NIPAL3: variants seen among roughly 807,000 people sequenced by gnomAD.
NIPAL3 encodes NIPA like domain containing 3.
In NIPAL3, 41 loss-of-function variants were observed where a neutral mutation model predicts 47.2. The observed-to-expected ratio is 0.87, with a 90% confidence interval of 0.68 to 1.13. NIPAL3 has a LOEUF of 1.13. Ranked by LOEUF, NIPAL3 falls within the 50% of genes most tolerant of loss-of-function variation. The pLI, the probability that NIPAL3 is intolerant of heterozygous loss-of-function variation, is 0.00. For synonymous variants in NIPAL3, 194 were observed against 209.6 expected (o/e 0.93, Z 0.64); for missense variants, 449 against 530.1 (o/e 0.85, Z 1.50).
In NIPAL3 at chr1:24,419,426, G is replaced by A; in HGVS notation, c.-122G>A. 1.5e-6 allele frequency: 2 copies of A among 1,377,902 alleles called. No homozygotes were observed. Among genetic ancestry groups the A allele is most frequent in the Non-Finnish European group, 1.9e-6 (2 of 1,063,206 alleles). 85.4% of individuals were successfully genotyped at this position (1,377,902 alleles called of 1,614,324 possible). On this transcript the variant is annotated 5_prime_UTR_variant, in exon 2 of 12. Coordinates refer to ENST00000374399, the MANE Select transcript of NIPAL3 (RefSeq NM_020448.5). ...GCCTTGAAGTATTCTTTTGTCATGA[G>A]GAAGTGACGGCTGCTGGAGGGAGGT...
chr1:24,442,142 C>T lies in NIPAL3; in HGVS notation c.250C>T (p.Leu84Phe), dbSNP rs774693229. 2 of 1,614,212 alleles carry T rather than the reference C, an allele frequency of 1.2e-6. No homozygotes were observed. Among genetic ancestry groups the T allele is most frequent in the South Asian group, 2.2e-5 (2 of 91,088 alleles). The change falls in exon 4 of 12, where the codon CTT (leucine) becomes TTT (phenylalanine). Residue 84 changes from leucine to phenylalanine, a missense_variant. Physicochemically the swap from Leu to Phe is conservative, Grantham distance 22 (BLOSUM62 0). Transcript: ENST00000374399. Reference protein sequence around the residue: ...KTWWLGLFLMLLGELGVFASY... With the variant: ...KTWWLGLFLMFLGELGVFASY... ...ATGGTGGCTGGGCCTGTTCCTGATG[C>T]TTCTGGGCGAGCTGGGTGTGTTCGC...
At chr1:24,443,235 A>G (rs1008652138) in intron 4 of NIPAL3, among the ~76,000 whole-genome samples, 1 of 152,258 alleles carries the variant, frequency 6.6e-6, no homozygotes, top group African/African-American at 2.4e-5. Context: ...ATTAGAAAAA[A>G]AAAATTCTTC....
chr1:24,461,830 T>C (rs1193435412), intron 10 of NIPAL3, among the ~76,000 whole-genome samples: 2 of 151,874 alleles, frequency 1.3e-5, no homozygotes, highest in Non-Finnish European at 2.9e-5. Context: ...GATCATGCCA[T>C]TGCATGCCTG....
chr1:24,447,900 C>T (rs1430744461), intron 5 of NIPAL3, among the ~76,000 whole-genome samples: 1 of 152,238 alleles, frequency 6.6e-6, no homozygotes, highest in Non-Finnish European at 1.5e-5. Flanking sequence ...GAGCAACCTG[C>T]ACAGCTGAAT....
intron 2 of NIPAL3, among the ~76,000 whole-genome samples, chr1:24,429,871 A>G (rs1250822250): frequency 1.3e-5 from 2 of 152,196 alleles, no homozygotes; most frequent in Non-Finnish European, 2.9e-5. Context: ...ATACTTCTCT[A>G]TAAGAAAAGA....
rs1405392085 is a variant in NIPAL3 at position 24,428,300 on chromosome 1, GAGAC to G, written c.93+8662_93+8665del. Among the ~76,000 whole-genome samples, 259 of 139,654 alleles carry G rather than the reference GAGAC, an allele frequency of 1.9e-3. 1 individual carries two copies. Among genetic ancestry groups the G allele is most frequent in the Middle Eastern group, 7.5e-3 (2 of 266 alleles). 91.6% of individuals were successfully genotyped at this position (139,654 alleles called of 152,430 possible). On this transcript the variant is annotated intron_variant, in intron 2 of 11. Transcript: ENST00000374399. Reference sequence around the variant, plus strand: ...AGAGAGAGAGAGAGAGAGAGAGAGAGAGACACCAGAACCTTTCCCCAAAGCCAGC... The same window carrying G: ...AGAGAGAGAGAGAGAGAGAGAGAGAGACCAGAACCTTTCCCCAAAGCCAGC...
At chr1:24,456,350 G>A in intron 8 of NIPAL3, 77 bp downstream of exon 8, 7 of 1,590,932 alleles carry the variant, frequency 4.4e-6, no homozygotes, top group Admixed American at 1.7e-5. Flanking sequence ...GACGTATGCT[G>A]TGAAGCCACA....
intron 3 of NIPAL3, among the ~76,000 whole-genome samples, chr1:24,441,047 T>A (rs1360212205): frequency 1.3e-5 from 2 of 152,186 alleles, no homozygotes; most frequent in Non-Finnish European, 2.9e-5. Flanking sequence ...TGCTCCCACA[T>A]TCTTGTCTCA....
intron 2 of NIPAL3, among the ~76,000 whole-genome samples, chr1:24,420,410 G>C (rs1236997840): frequency 1.3e-5 from 2 of 152,152 alleles, no homozygotes; most frequent in African/African-American, 4.8e-5. Flanking sequence ...GCTGAGACGG[G>C]AGGATTGCTT....
intron 7 of NIPAL3, among the ~76,000 whole-genome samples, chr1:24,455,922 G>A (rs1302446584): frequency 6.6e-6 from 1 of 152,156 alleles, no homozygotes; most frequent in Non-Finnish European, 1.5e-5. Context: ...CCCTCCTTTA[G>A]GATGTAGTCA....
At chr1:24,462,563 T>C (rs1219488081) in intron 10 of NIPAL3, among the ~76,000 whole-genome samples, 2 of 151,912 alleles carry the variant, frequency 1.3e-5, no homozygotes, top group East Asian at 1.9e-4. Flanking sequence ...GGTCAGGAGT[T>C]CGAGACCAGC....
chr1:24,470,246 T>A lies in NIPAL3; in HGVS notation c.*1061T>A, dbSNP rs1410751477. On this transcript the variant is annotated 3_prime_UTR_variant, in exon 12 of 12. Coordinates refer to ENST00000374399, the MANE Select transcript of NIPAL3 (RefSeq NM_020448.5). ...CAAAACAGGGCTGTTGCTTTCTTCCTGGCCGCATATGTGACTGTCTTCCCC... is the reference window on the plus strand; with the variant it reads ...CAAAACAGGGCTGTTGCTTTCTTCCAGGCCGCATATGTGACTGTCTTCCCC... 6.6e-6 allele frequency: 1 copy of A among 152,250 alleles called. No homozygotes were observed. Among genetic ancestry groups the A allele is most frequent in the African/African-American group, 2.4e-5 (1 of 41,448 alleles). 9.4% of individuals were successfully genotyped at this position (152,250 alleles called of 1,614,324 possible).
intron 2 of NIPAL3, among the ~76,000 whole-genome samples, chr1:24,434,942 T>C (rs1645032052): frequency 6.6e-6 from 1 of 152,140 alleles, no homozygotes; most frequent in Non-Finnish European, 1.5e-5. Flanking sequence ...GGACCCAAAA[T>C]AGCCAAAACA....
intron 11 of NIPAL3, among the ~76,000 whole-genome samples, chr1:24,467,343 G>T (rs1299594872): frequency 6.6e-6 from 1 of 151,962 alleles, no homozygotes; most frequent in East Asian, 1.9e-4. Context: ...GGTGGCGGGT[G>T]CCTGTAGTCC....
chr1:24,459,553 T>A (rs1646375025), intron 9 of NIPAL3, among the ~76,000 whole-genome samples: 1 of 152,218 alleles, frequency 6.6e-6, no homozygotes, highest in South Asian at 2.1e-4. Flanking sequence ...GTGACTAAAA[T>A]CTTCAGAGTA....
intron 2 of NIPAL3, among the ~76,000 whole-genome samples, chr1:24,435,685 A>C (rs1343579078): frequency 6.6e-6 from 1 of 152,216 alleles, no homozygotes; most frequent in Non-Finnish European, 1.5e-5. Context: ...TCAAAATTTA[A>C]AACTTTTCTG....
rs72652572 is a variant in NIPAL3 at position 24,445,719 on chromosome 1, C to G, written c.394+475C>G. Among the ~76,000 whole-genome samples, 664 of 152,324 alleles carry G rather than the reference C, an allele frequency of 4.4e-3. 4 individuals carry two copies. The highest frequency in any genetic ancestry group is 0.014 in the South Asian group (70 of 4,830). The stretch of plus-strand genomic sequence containing the variant: ...CCCACAGGACCCTCCAGCTCCCAGT[C>G]AGACCTTGGGCGGGTCCCCCCAAGA... On this transcript the variant is annotated intron_variant, in intron 5 of 11. Coordinates refer to ENST00000374399, the MANE Select transcript of NIPAL3 (RefSeq NM_020448.5).
chr1:24,455,188 C>T (rs983592233), intron 7 of NIPAL3, among the ~76,000 whole-genome samples: 1 of 152,216 alleles, frequency 6.6e-6, no homozygotes, highest in Non-Finnish European at 1.5e-5. Flanking sequence ...CCGGGGGCTT[C>T]ACCTGGACCA....
At chr1:24,446,545 C>T (rs570616393) in intron 5 of NIPAL3, among the ~76,000 whole-genome samples, 1 of 152,086 alleles carries the variant, frequency 6.6e-6, no homozygotes, top group African/African-American at 2.4e-5. Context: ...TCTGTTCCTG[C>T]ATTAGTTTGC....
Sources: allele counts gnomAD v4.1 joint callset (sites outside exome capture counted in the v4.1 genomes callset), GRCh38; gene constraint gnomAD v4.1.1; transcripts MANE v1.5; gene names NCBI Gene and HGNC (gene_info 2026-07-23, HGNC 2026-07-21).